DPRX: variants seen among roughly 807,000 people sequenced by gnomAD.
DPRX encodes divergent-paired related homeobox, also known as divergent paired-related homeobox.
Under a neutral mutation model 8.4 loss-of-function variants are expected in DPRX, and 11 were observed. That is an observed-to-expected ratio of 1.31 (90% confidence interval 0.82 to 2.17). The LOEUF is 2.17. Ranked by LOEUF, DPRX falls within the 30% of genes most tolerant of loss-of-function variation. DPRX has a pLI of 0.00. For synonymous variants in DPRX, 72 were observed against 87.0 expected (o/e 0.83, Z 0.96); for missense variants, 211 against 236.7 (o/e 0.89, Z 0.71).
the DPRX span, among the ~76,000 whole-genome samples, chr19:53,620,119 G>C: frequency 1.3e-5 from 2 of 152,078 alleles, no homozygotes; most frequent in African/African-American, 4.8e-5. Context: ...CCCCAGGCTA[G>C]AGTGCTATAG....
At chr19:53,634,273 A>T (rs2091103990) in intron 1 of DPRX, among the ~76,000 whole-genome samples, 1 of 152,112 alleles carries the variant, frequency 6.6e-6, no homozygotes, top group Non-Finnish European at 1.5e-5. Context: ...TCTGCTAGAA[A>T]TACAAAAATT....
chr19:53,621,636 T>G, the DPRX span, among the ~76,000 whole-genome samples: 1 of 151,840 alleles, frequency 6.6e-6, no homozygotes, highest in African/African-American at 2.4e-5. Flanking sequence ...ATACAAAAAA[T>G]TAGCTGGGCA....
chr19:53,611,860 G>T, the DPRX span, among the ~76,000 whole-genome samples: 1 of 151,744 alleles, frequency 6.6e-6, no homozygotes, highest in Non-Finnish European at 1.5e-5. Context: ...GAGGCAGGTG[G>T]ATCACCTGAG....
chr19:53,620,131 G>A, the DPRX span, among the ~76,000 whole-genome samples: 489 of 152,072 alleles, frequency 3.2e-3, 3 homozygotes, highest in African/African-American at 0.011. Context: ...GTGCTATAGC[G>A]TGATCTCGCC....
chr19:53,616,830 C>T, the DPRX span: 1 of 1,600,474 alleles, frequency 6.2e-7, no homozygotes, highest in Admixed American at 1.7e-5. Context: ...GTGTCCCGTT[C>T]TTAGCGCTTG....
At chr19:53,633,208 G>A (rs186323759) in intron 1 of DPRX, among the ~76,000 whole-genome samples, 1 of 152,276 alleles carries the variant, frequency 6.6e-6, no homozygotes, top group African/African-American at 2.4e-5. Flanking sequence ...TGAGAGGATC[G>A]CTTGAGCCTG....
At chr19:53,612,230 A>T in the DPRX span, among the ~76,000 whole-genome samples, 1 of 152,210 alleles carries the variant, frequency 6.6e-6, no homozygotes, top group African/African-American at 2.4e-5. Flanking sequence ...CAAAAAATTT[A>T]AAAATGAGTG....
At position 53,632,095 on chromosome 19, in the gene DPRX, C is replaced by G. The variant is rs776485998; in HGVS notation, c.-12C>G. The G allele has an allele frequency of 9.3e-6, 15 of 1,613,792 alleles. No homozygotes were observed. In the South Asian group the frequency reaches 1.6e-4, roughly 18 times the overall value. The stretch of plus-strand genomic sequence containing the variant: ...CCTGGACCTGAACCCAGGCGCACAT[C>G]TGGATTAGAAGATGCCAGGCTCAGA... On this transcript the variant is annotated 5_prime_UTR_variant, in exon 1 of 3. In the 5' UTR this introduces an upstream ATG that the reference lacks. Coordinates refer to ENST00000376650, the Ensembl canonical transcript of DPRX.
At chr19:53,602,594 C>T in the DPRX span, among the ~76,000 whole-genome samples, 2 of 149,732 alleles carry the variant, frequency 1.3e-5, no homozygotes, top group South Asian at 2.1e-4. Flanking sequence ...AGTGCAGTGG[C>T]GTGATCTTGG....
chr19:53,617,442 C>T, the DPRX span, among the ~76,000 whole-genome samples: 4 of 151,594 alleles, frequency 2.6e-5, no homozygotes, highest in African/African-American at 9.7e-5. Flanking sequence ...TCTGTAATCC[C>T]AGCTACTCGG....
Position 53,636,595 on chromosome 19 carries a change from G to A in DPRX, c.184-1G>A. The A allele has an allele frequency of 6.2e-7, 1 of 1,605,792 alleles. No homozygotes were observed. The highest frequency in any genetic ancestry group is 8.5e-7 in the Non-Finnish European group (1 of 1,175,494). On this transcript the variant is annotated splice_acceptor_variant, in intron 2 of 2. Coordinates refer to ENST00000376650, the Ensembl canonical transcript of DPRX. LOFTEE classifies it high-confidence loss of function. ...CATTCTCTTCTCTCTCTTCCCTTCA[G>A]GTCTGGTTCAAGAATCACAGAGCAA... is the stretch of plus-strand genomic sequence containing the variant.
At chr19:53,635,449 C>T (rs1312102177) in intron 2 of DPRX, among the ~76,000 whole-genome samples, 1 of 152,198 alleles carries the variant, frequency 6.6e-6, no homozygotes, top group Non-Finnish European at 1.5e-5. Flanking sequence ...TGAAGCCATC[C>T]TCCCACTCAG....
At chr19:53,615,241 G>A in the DPRX span, among the ~76,000 whole-genome samples, 3 of 151,752 alleles carry the variant, frequency 2.0e-5, no homozygotes, top group African/African-American at 7.2e-5. Flanking sequence ...CAAAATGCTG[G>A]GATTATAGGC....
At chr19:53,616,811 CTT>C in the DPRX span, 2 of 1,597,100 alleles carry the variant, frequency 1.3e-6, no homozygotes, top group African/African-American at 1.3e-5. Flanking sequence ...AACATGGAGA[CTT>C]TGTACCGTGT....
At chr19:53,633,655 G>A (rs1043055677) in intron 1 of DPRX, among the ~76,000 whole-genome samples, 23 of 152,036 alleles carry the variant, frequency 1.5e-4, no homozygotes, top group African/African-American at 4.3e-4. Context: ...GACTACAGGC[G>A]TGCACCATCA....
At chr19:53,622,064 G>A in the DPRX span, among the ~76,000 whole-genome samples, 1 of 151,966 alleles carries the variant, frequency 6.6e-6, no homozygotes, top group Non-Finnish European at 1.5e-5. Context: ...ATCTGAGTCT[G>A]GTGTTGCTAG....
At chr19:53,614,617 T>C in the DPRX span, among the ~76,000 whole-genome samples, 1 of 152,222 alleles carries the variant, frequency 6.6e-6, no homozygotes, top group South Asian at 2.1e-4. Flanking sequence ...CATCTTGTTA[T>C]AGCAAAAAGT....
upstream of DPRX, among the ~76,000 whole-genome samples, chr19:53,630,805 T>A (rs549562313): frequency 2.0e-5 from 3 of 151,966 alleles, no homozygotes; most frequent in East Asian, 5.9e-4. Flanking sequence ...AGATAAAAGG[T>A]ATACATGGTG....
the DPRX span, among the ~76,000 whole-genome samples, chr19:53,626,176 G>A: frequency 2.1e-4 from 32 of 152,218 alleles, no homozygotes; most frequent in African/African-American, 7.0e-4. Flanking sequence ...GACCTCAAGC[G>A]ATCCACCAGC....
Sources: gnomAD v4.1 joint callset for allele counts (sites outside exome capture counted in the v4.1 genomes callset) on GRCh38, gnomAD v4.1.1 for gene constraint, MANE v1.5 for transcripts, NCBI Gene and HGNC (gene_info 2026-07-23, HGNC 2026-07-21) for gene names.